The following OXR1 variants were observed in gnomAD, a reference collection of about 807,000 sequenced individuals.
OXR1 encodes the protein oxidation resistance protein 1.
In OXR1, 41 loss-of-function variants were observed where a neutral mutation model predicts 104.6. That is an observed-to-expected ratio of 0.39 (90% CI 0.31 to 0.51). The LOEUF (loss-of-function observed/expected upper bound fraction) is 0.51, where lower values mean the gene tolerates loss of function less well. Among genes scored for constraint, OXR1 ranks in the 20% least tolerant of loss-of-function variants. The probability of loss-of-function intolerance (pLI) is 0.77; values close to 1 mark genes in which losing one functional copy is unlikely to be tolerated. For synonymous variants in OXR1, 348 were observed against 348.4 expected (o/e 1.00, Z 0.01); for missense variants, 955 against 1,031.9 (o/e 0.93, Z 1.02).
intron 1 of OXR1, among the ~76,000 whole-genome samples, chr8:106,276,703 G>A (rs937211231): frequency 1.1e-4 from 16 of 141,236 alleles, no homozygotes; most frequent in Non-Finnish European, 1.5e-4. Context: ...CTCAAGAACC[G>A]ATATTTAGCT....
intron 1 of OXR1, among the ~76,000 whole-genome samples, chr8:106,287,538 C>A (rs1411751807): frequency 6.6e-6 from 1 of 152,090 alleles, no homozygotes; most frequent in Non-Finnish European, 1.5e-5. Context: ...GCAATAAACA[C>A]CAATTTCCCA....
At chr8:106,477,603 A>G (rs749399669) in intron 2 of OXR1, among the ~76,000 whole-genome samples, 73 of 152,096 alleles carry the variant, frequency 4.8e-4, no homozygotes, top group Non-Finnish European at 8.4e-4. Context: ...AACATATTTT[A>G]TGCATTTGTG....
intron 2 of OXR1, among the ~76,000 whole-genome samples, chr8:106,458,259 A>G (rs1820712559): frequency 6.6e-6 from 1 of 152,158 alleles, no homozygotes; most frequent in Non-Finnish European, 1.5e-5. Flanking sequence ...TTTGCTGCCC[A>G]GGTCTGCCAT....
intron 2 of OXR1, among the ~76,000 whole-genome samples, chr8:106,513,214 A>G (rs1223261512): frequency 6.6e-6 from 1 of 152,080 alleles, no homozygotes; most frequent in Non-Finnish European, 1.5e-5. Context: ...TTCAGATTTC[A>G]TTATCAACCT....
intron 3 of OXR1, among the ~76,000 whole-genome samples, chr8:106,563,484 A>G (rs1183967518): frequency 6.6e-6 from 1 of 152,184 alleles, no homozygotes; most frequent in East Asian, 1.9e-4. Context: ...ACCCAGATTC[A>G]TAAAGCAAGT....
intron 2 of OXR1, among the ~76,000 whole-genome samples, chr8:106,482,619 T>C (rs1479645316): frequency 1.3e-5 from 2 of 152,060 alleles, no homozygotes; most frequent in African/African-American, 4.8e-5. Flanking sequence ...AATTAATAAA[T>C]ATGACTTTCC....
At chr8:106,339,591 T>G (rs1815156484) in intron 1 of OXR1, among the ~76,000 whole-genome samples, 1 of 134,012 alleles carries the variant, frequency 7.5e-6, no homozygotes, top group Non-Finnish European at 1.6e-5. Flanking sequence ...TACTCAATAA[T>G]CATTATAGAG....
chr8:106,373,368 AT>A (rs1033041798), intron 2 of OXR1, among the ~76,000 whole-genome samples: 1 of 152,008 alleles, frequency 6.6e-6, no homozygotes, highest in Non-Finnish European at 1.5e-5. Context: ...TAAACAATAA[AT>A]TTTTTTTACT....
rs1001380966 is a variant in OXR1, at chr8:106,582,267, A to G, written c.220+63128A>G. Among the ~76,000 whole-genome samples, 5 of 149,378 alleles carry G rather than the reference A, an allele frequency of 3.3e-5. No individual in the cohort carries two copies. In the East Asian group the frequency reaches 5.9e-4, roughly 18 times the overall value. ...CAAAATTCAAAATCCAGGGCAGCTCACTTGGAGAGAAATAAAAATAACAAA... is the reference window on the plus strand; with the variant it reads ...CAAAATTCAAAATCCAGGGCAGCTCGCTTGGAGAGAAATAAAAATAACAAA... On this transcript the variant is annotated intron_variant, in intron 3 of 16. Transcript: ENST00000517566.
At chr8:106,643,621 G>C (rs1823841895) in intron 3 of OXR1, among the ~76,000 whole-genome samples, 1 of 152,072 alleles carries the variant, frequency 6.6e-6, no homozygotes, top group Admixed American at 6.5e-5. Context: ...AACCCGCTGT[G>C]GGACATCATG....
intron 2 of OXR1, among the ~76,000 whole-genome samples, chr8:106,507,207 G>T (rs1356671659): frequency 6.6e-6 from 1 of 152,210 alleles, no homozygotes; most frequent in African/African-American, 2.4e-5. Context: ...GTTAAAAAAA[G>T]TTGAGTATTT....
At chr8:106,692,424 G>A (rs1281168087) in intron 6 of OXR1, among the ~76,000 whole-genome samples, 4 of 152,072 alleles carry the variant, frequency 2.6e-5, no homozygotes, top group Non-Finnish European at 5.9e-5. Flanking sequence ...GTGGGTACAA[G>A]AGATGTAGTG....
Position 106,679,240 on chromosome 8 carries a change from A to C in OXR1, c.251A>C (p.Lys84Thr). Residue 84 changes from lysine to threonine, a missense_variant, in exon 4 of 17, where the codon AAA (lysine) becomes ACA (threonine). Lys to Thr is a moderately conservative substitution (Grantham distance 78). This residue lies in a region of OXR1 where 849 missense variants were observed against 852.9 expected (regional missense o/e 1.00). Transcript: ENST00000517566. ...GGCCAAAAGAAGACCCTAGACAAGAAAGATGGAAGACGAATGTCTTTTCAG... is the reference window on the plus strand; with the variant it reads ...GGCCAAAAGAAGACCCTAGACAAGACAGATGGAAGACGAATGTCTTTTCAG... ...DTGQKKTLDK[K>T]DGRRMSFQKP... The C allele has an allele frequency of 6.2e-7, 1 of 1,610,526 alleles. No homozygotes were observed. The highest frequency in any genetic ancestry group is 8.5e-7 in the Non-Finnish European group (1 of 1,177,340).
rs181410365 is a variant in OXR1 at position 106,738,179 on chromosome 8, A to G, written c.2037+579A>G. On this transcript the variant is annotated intron_variant, in intron 12 of 16. Transcript: ENST00000517566. ...TTTTTTTTTTAGAAACAAGAAAGCA[A>G]TGTAATTGAAAACTCATTTTTAAGT... Among the ~76,000 whole-genome samples the G allele has an allele frequency of 1.1e-3, 170 of 152,248 alleles. 3 individuals carry two copies. Among genetic ancestry groups the G allele is most frequent in the Middle Eastern group, 3.4e-3 (1 of 294 alleles).
At chr8:106,579,620 T>TTCACCATCCAGAC (rs1243143488) in intron 3 of OXR1, among the ~76,000 whole-genome samples, 1 of 152,124 alleles carries the variant, frequency 6.6e-6, no homozygotes, top group Non-Finnish European at 1.5e-5. Flanking sequence ...GCATCACCCT[T>TTCACCATCCAGAC]TCACCATCCA....
At chr8:106,316,177 A>C (rs1813930302) in intron 1 of OXR1, among the ~76,000 whole-genome samples, 1 of 152,226 alleles carries the variant, frequency 6.6e-6, no homozygotes, top group African/African-American at 2.4e-5. Flanking sequence ...ATAGGCACAC[A>C]TATCAGATGA....
chr8:106,708,479 GT>G (rs1831367709), intron 9 of OXR1, among the ~76,000 whole-genome samples: 1 of 152,004 alleles, frequency 6.6e-6, no homozygotes, highest in Non-Finnish European at 1.5e-5. Context: ...ATTCTACTTT[GT>G]TTCTGAATTT....
At chr8:106,429,425 T>A (rs1819269495) in intron 2 of OXR1, among the ~76,000 whole-genome samples, 1 of 152,134 alleles carries the variant, frequency 6.6e-6, no homozygotes, top group Admixed American at 6.6e-5. Context: ...TATGGGAGGC[T>A]GAGGTGGTTG....
chr8:106,626,317 C>A (rs1378391717), intron 3 of OXR1, among the ~76,000 whole-genome samples: 1 of 151,030 alleles, frequency 6.6e-6, no homozygotes, highest in Non-Finnish European at 1.5e-5. Context: ...TGAAGGTTAT[C>A]TTTAAAATTC....
Sources: allele counts gnomAD v4.1 joint callset (sites outside exome capture counted in the v4.1 genomes callset), GRCh38; gene constraint gnomAD v4.1.1; regional missense constraint gnomAD v4.1.1; transcripts MANE v1.5; gene names NCBI Gene and HGNC (gene_info 2026-07-23, HGNC 2026-07-21).